The following ST7 variants were observed in gnomAD, a reference collection of about 807,000 sequenced individuals.
The protein encoded by ST7 is suppression of tumorigenicity 7.
A neutral mutation model predicts 78.7 loss-of-function variants in ST7; 28 were observed. That is an observed-to-expected ratio of 0.36 (90% CI 0.26 to 0.49). The LOEUF (loss-of-function observed/expected upper bound fraction) is 0.49, where lower values mean the gene tolerates loss of function less well. Among genes scored for constraint, ST7 ranks in the 20% least tolerant of loss-of-function variants. The pLI is 0.99. For synonymous variants in ST7, 247 were observed against 249.6 expected (o/e 0.99, Z 0.10); for missense variants, 418 against 696.0 (o/e 0.60, Z 4.49).
chr7:117,120,866 T>A (rs1803313430), intron 3 of ST7, among the ~76,000 whole-genome samples: 1 of 152,078 alleles, frequency 6.6e-6, no homozygotes, highest in Non-Finnish European at 1.5e-5. Flanking sequence ...ATATAAAGAA[T>A]AAGGCTTAAT....
At chr7:117,204,209 C>T (rs1791517291) in intron 12 of ST7, among the ~76,000 whole-genome samples, 1 of 152,168 alleles carries the variant, frequency 6.6e-6, no homozygotes, top group African/African-American at 2.4e-5. Flanking sequence ...GTGGAAAACA[C>T]AAATTACCTC....
At chr7:117,178,138 T>A (rs1808479620) in intron 10 of ST7, among the ~76,000 whole-genome samples, 1 of 152,188 alleles carries the variant, frequency 6.6e-6, no homozygotes, top group Non-Finnish European at 1.5e-5. Flanking sequence ...AGAAAAGGGA[T>A]TCTTGGTACT....
chr7:116,965,506 C>T (rs548721657), intron 1 of ST7, among the ~76,000 whole-genome samples: 51 of 152,162 alleles, frequency 3.4e-4, no homozygotes, highest in Admixed American at 1.9e-3. Flanking sequence ...CAAACCACCA[C>T]GATGCATATA....
At chr7:117,184,543 A>G (rs1474417442) in intron 10 of ST7, among the ~76,000 whole-genome samples, 2 of 152,188 alleles carry the variant, frequency 1.3e-5, no homozygotes, top group African/African-American at 2.4e-5. Context: ...CCATTTCCGT[A>G]GTGATAAAAG....
intron 1 of ST7, among the ~76,000 whole-genome samples, chr7:116,970,268 C>T (rs1287307883): frequency 6.6e-6 from 1 of 152,138 alleles, no homozygotes; most frequent in Non-Finnish European, 1.5e-5. Context: ...AAAGTGGGTA[C>T]AGAAATTAGG....
chr7:117,051,753 A>C (rs1453065270), intron 1 of ST7, among the ~76,000 whole-genome samples: 1 of 152,172 alleles, frequency 6.6e-6, no homozygotes, highest in African/African-American at 2.4e-5. Context: ...TGGATGGTAG[A>C]ACTGATGGAG....
intron 1 of ST7, among the ~76,000 whole-genome samples, chr7:116,958,923 T>C (rs1464883388): frequency 1.3e-5 from 2 of 152,110 alleles, no homozygotes; most frequent in Non-Finnish European, 2.9e-5. Context: ...AGGGTGCTGG[T>C]TGTTAAAGGT....
chr7:117,034,085 G>T (rs1796758174), intron 1 of ST7, among the ~76,000 whole-genome samples: 1 of 152,018 alleles, frequency 6.6e-6, no homozygotes, highest in Non-Finnish European at 1.5e-5. Context: ...AGGACCACAG[G>T]TGCACACCAC....
intron 2 of ST7, among the ~76,000 whole-genome samples, chr7:117,106,154 G>A (rs545339589): frequency 1.3e-4 from 20 of 151,866 alleles, no homozygotes; most frequent in African/African-American, 2.9e-4. Context: ...GCCTGCCACC[G>A]CGCCGGGCTA....
chr7:117,018,475 CT>C (rs1275675144), intron 1 of ST7, among the ~76,000 whole-genome samples: 1 of 152,076 alleles, frequency 6.6e-6, no homozygotes, highest in Non-Finnish European at 1.5e-5. Context: ...TGACCTTTCT[CT>C]TTTAACGATT....
intron 10 of ST7, chr7:117,187,712 A>G (rs1809396910): frequency 6.6e-6 from 1 of 152,196 alleles, no homozygotes; most frequent in African/African-American, 2.4e-5. Flanking sequence ...TTGTGCTGCC[A>G]CCTTCAAATA....
At chr7:117,110,047 T>G (rs1381419062) in intron 2 of ST7, among the ~76,000 whole-genome samples, 1 of 152,192 alleles carries the variant, frequency 6.6e-6, no homozygotes, top group Non-Finnish European at 1.5e-5. Context: ...AACTTCAGAC[T>G]GGGAAAATGC....
chr7:117,094,441 C>T lies in ST7; in HGVS notation c.152-5321C>T, dbSNP rs537930111. Among the ~76,000 whole-genome samples the T allele has an allele frequency of 4.6e-5, 7 of 152,200 alleles. No homozygotes were observed. In the East Asian group the frequency reaches 1.4e-3, roughly 29 times the overall value. ...CTTGATCTTCCATTCCTTTTGGTGC[C>T]CTGTCCCTTATAATTTCCTCGTGTG... On this transcript the variant is annotated intron_variant, in intron 1 of 15. Transcript: ENST00000323984.
rs756961671 is a variant in ST7, at chr7:116,961,672, G to A, written c.151+7981G>A. On this transcript the variant is annotated intron_variant, in intron 1 of 15. Transcript: ENST00000323984. ...CTGTTGTTGGTGTATAGGAATGTTA[G>A]TGATTTTTGCACATTGATTTTATAT... 1.4e-3 allele frequency among the ~76,000 whole-genome samples: 217 copies of A among 151,736 alleles called. 1 individual carries two copies. Among genetic ancestry groups the A allele is most frequent in the Middle Eastern group, 6.8e-3 (2 of 294 alleles).
In ST7 at chr7:116,953,749, T is replaced by G. The variant is rs572529528; in HGVS notation, c.151+58T>G. The G allele has an allele frequency of 1.1e-3, 1,347 of 1,261,468 alleles. 17 individuals are homozygous for G. The African/African-American group carries it at 0.02, about 19-fold the overall frequency. 78.1% of individuals were successfully genotyped at this position (1,261,468 alleles called of 1,614,324 possible). A position where few individuals can be genotyped will look rare whatever the true frequency, so the allele number is the denominator to read the frequency against. On this transcript the variant is annotated intron_variant, in intron 1 of 15. Transcript: ENST00000323984. The stretch of plus-strand genomic sequence containing the variant: ...CCCCTCCCCCGCCCCGGAAAGTTAG[T>G]GCAACTCGCGCGGGGCCGCGGCCAG...
intron 8 of ST7, 62 bp downstream of exon 8, chr7:117,136,297 CA>C (rs771744951): frequency 1.6e-4 from 259 of 1,596,650 alleles, no homozygotes; most frequent in Non-Finnish European, 2.1e-4. Flanking sequence ...TTAATCAGAG[CA>C]AATTTTTAGT....
intron 15 of ST7, among the ~76,000 whole-genome samples, chr7:117,227,297 G>A (rs546934403): frequency 1.2e-4 from 19 of 152,270 alleles, no homozygotes; most frequent in African/African-American, 3.6e-4. Context: ...CTCAATATCA[G>A]CAGTTCCTTC....
At chr7:117,152,206 T>TAAA (rs1806339455) in intron 9 of ST7, among the ~76,000 whole-genome samples, 1 of 83,790 alleles carries the variant, frequency 1.2e-5, no homozygotes. Context: ...TATATATATA[T>TAAA]ATATATATAT....
At chr7:117,094,971 G>A (rs1391265578) in intron 1 of ST7, among the ~76,000 whole-genome samples, 1 of 151,952 alleles carries the variant, frequency 6.6e-6, no homozygotes, top group African/African-American at 2.4e-5. Flanking sequence ...AAAGGAACAC[G>A]GCACAAAGCA....
Sources: allele counts gnomAD v4.1 joint callset (sites outside exome capture counted in the v4.1 genomes callset), GRCh38; gene constraint gnomAD v4.1.1; transcripts MANE v1.5; gene names NCBI Gene and HGNC (gene_info 2026-07-23, HGNC 2026-07-21).